Variants in BIRC6 observed in about 807,000 individuals in gnomAD.
BIRC6 encodes the protein dual E2 ubiquitin-conjugating enzyme/E3 ubiquitin-protein ligase BIRC6.
Under a neutral mutation model 503.3 loss-of-function variants are expected in BIRC6, and 98 were observed. The observed-to-expected ratio is 0.19, with a 90% CI of 0.17 to 0.23. BIRC6 has a LOEUF of 0.23. BIRC6 is among the 10% of genes least tolerant of loss of function. The pLI, the probability that BIRC6 is intolerant of heterozygous loss-of-function variation, is 1.00. For missense variants in BIRC6, 5,360 were observed against 5,806.0 expected (o/e 0.92, Z 2.50); for synonymous variants, 2,240 against 2,078.7 (o/e 1.08, Z -2.11).
chr2:32,611,314 T>G (rs1572401718), intron 72 of BIRC6, 134 bp from the exon 73 acceptor site: 1 of 423,328 alleles, frequency 2.4e-6, no homozygotes, highest in East Asian at 6.0e-5. Context: ...TTCTAAATAT[T>G]AATTTAAATG....
chr2:32,427,367 C>G (rs1326872348), intron 10 of BIRC6, among the ~76,000 whole-genome samples: 2 of 152,080 alleles, frequency 1.3e-5, no homozygotes, highest in East Asian at 1.9e-4. Flanking sequence ...ACTGCAACCT[C>G]TGCCTCCCGG....
chr2:32,578,110 A>G (rs927228029), intron 66 of BIRC6, among the ~76,000 whole-genome samples: 2 of 152,178 alleles, frequency 1.3e-5, no homozygotes, highest in Non-Finnish European at 2.9e-5. Flanking sequence ...AGCCTCTGTT[A>G]TAAGACGGCA....
chr2:32,563,589 AT>A (rs1231050561), intron 65 of BIRC6: 2 of 152,238 alleles, frequency 1.3e-5, no homozygotes, highest in African/African-American at 4.8e-5. Flanking sequence ...ATATTTCAGT[AT>A]AAAAAGGAGC....
intron 70 of BIRC6, among the ~76,000 whole-genome samples, chr2:32,601,763 G>A (rs996839921): frequency 6.6e-6 from 1 of 152,166 alleles, no homozygotes; most frequent in South Asian, 2.1e-4. Flanking sequence ...CAGATTAAGT[G>A]TCCCCAGTTC....
intron 65 of BIRC6, among the ~76,000 whole-genome samples, chr2:32,561,320 C>T (rs1000816229): frequency 6.6e-5 from 10 of 151,448 alleles, no homozygotes; most frequent in African/African-American, 2.2e-4. Flanking sequence ...TGGCTCACTG[C>T]AACCTCCACT....
chr2:32,525,092 A>G, intron 58 of BIRC6, 73 bp downstream of exon 58: 8 of 1,241,882 alleles, frequency 6.4e-6, no homozygotes, highest in Non-Finnish European at 8.5e-6. Context: ...AGTTACAGGA[A>G]ATTTATGTAA....
intron 65 of BIRC6, chr2:32,564,525 A>G (rs540957014): frequency 9.2e-5 from 14 of 152,316 alleles, no homozygotes; most frequent in Non-Finnish European, 1.8e-4. Flanking sequence ...GACTTTTAAA[A>G]TTACAATAAT....
chr2:32,457,435 A>G (rs969686470), intron 23 of BIRC6, among the ~76,000 whole-genome samples: 5 of 151,934 alleles, frequency 3.3e-5, no homozygotes, highest in Admixed American at 3.3e-4. Context: ...AGGGCTGATT[A>G]TATTTTTTAC....
intron 10 of BIRC6, among the ~76,000 whole-genome samples, chr2:32,428,928 A>G (rs1248166637): frequency 6.6e-6 from 1 of 152,154 alleles, no homozygotes; most frequent in Non-Finnish European, 1.5e-5. Flanking sequence ...ACCTGTTTTC[A>G]TGTATGTTTA....
chr2:32,527,781 TG>T (rs1359475421), intron 59 of BIRC6: 2 of 152,236 alleles, frequency 1.3e-5, no homozygotes, highest in Non-Finnish European at 2.9e-5. Flanking sequence ...TTGATAATAA[TG>T]CTTCAGTTAT....
chr2:32,510,618 C>A lies in BIRC6; in HGVS notation c.10330C>A (p.Pro3444Thr), dbSNP rs374088462. ...ILYQLGTTQDPGTKDRIQALL... is the reference protein window; with the variant it reads ...ILYQLGTTQDTGTKDRIQALL... ...TTACCAGCTTGGAACAACTCAGGAT[C>A]CTGGTACAAAAGACAGGTACGATTT... Residue 3444 changes from proline (P) to threonine (T), a missense_variant, in exon 53 of 74, where the codon CCT (proline) becomes ACT (threonine). By Grantham distance (38) the Pro-to-Thr change is conservative. This residue lies in a region of BIRC6 where 878 missense variants were observed against 928.9 expected (regional missense o/e 0.95). Coordinates refer to ENST00000421745, the MANE Select transcript of BIRC6 (RefSeq NM_016252.4). 1.9e-6 allele frequency: 3 copies of A among 1,595,500 alleles called. No individual in the cohort carries two copies. Among genetic ancestry groups the A allele is most frequent in the Non-Finnish European group, 2.6e-6 (3 of 1,163,514 alleles).
chr2:32,391,709 A>T (rs994749951), intron 4 of BIRC6, among the ~76,000 whole-genome samples: 1 of 152,224 alleles, frequency 6.6e-6, no homozygotes, highest in Non-Finnish European at 1.5e-5. Context: ...CAAAAAGTTT[A>T]CTATCGTCCT....
chr2:32,462,699 G>C (rs1051511299), intron 23 of BIRC6, among the ~76,000 whole-genome samples: 15 of 152,198 alleles, frequency 9.9e-5, no homozygotes, highest in Admixed American at 6.5e-4. Context: ...GCTCACACCT[G>C]TAATCCCAGC....
intron 15 of BIRC6, among the ~76,000 whole-genome samples, chr2:32,436,576 T>C (rs777374940): frequency 3.3e-5 from 5 of 152,002 alleles, no homozygotes; most frequent in Non-Finnish European, 5.9e-5. Context: ...AAGAGGTATT[T>C]TGTTTGTTTG....
intron 1 of BIRC6, among the ~76,000 whole-genome samples, chr2:32,370,232 A>C (rs2035734720): frequency 6.6e-6 from 1 of 151,956 alleles, no homozygotes; most frequent in South Asian, 2.1e-4. Context: ...AGGTCTTTAG[A>C]GATTGAGCCC....
intron 22 of BIRC6, among the ~76,000 whole-genome samples, chr2:32,449,514 A>C (rs2046449143): frequency 1.3e-5 from 2 of 152,208 alleles, no homozygotes; most frequent in Admixed American, 1.3e-4. Flanking sequence ...TAGATAAAAG[A>C]GTGACCATTT....
chr2:32,499,299 G>C (rs995380190), intron 45 of BIRC6, among the ~76,000 whole-genome samples: 31 of 152,162 alleles, frequency 2.0e-4, no homozygotes, highest in Admixed American at 2.0e-3. Context: ...TTGTCCCTTA[G>C]TTTTGTATTT....
intron 10 of BIRC6, among the ~76,000 whole-genome samples, chr2:32,417,624 CAG>C (rs1432779263): frequency 6.6e-6 from 1 of 152,154 alleles, no homozygotes; most frequent in Non-Finnish European, 1.5e-5. Context: ...AGGATCTGAG[CAG>C]AGTTACGCAT....
intron 22 of BIRC6, among the ~76,000 whole-genome samples, chr2:32,453,071 C>CAA (rs578078408): frequency 0.017 from 2,276 of 136,678 alleles, 52 homozygotes; most frequent in African/African-American, 0.057. Context: ...GTGCTAATTC[C>CAA]AAAAAAAAAA....
Sources: allele counts gnomAD v4.1 joint callset (sites outside exome capture counted in the v4.1 genomes callset), GRCh38; gene constraint gnomAD v4.1.1; regional missense constraint gnomAD v4.1.1; transcripts MANE v1.5; gene names NCBI Gene and HGNC (gene_info 2026-07-23, HGNC 2026-07-21).